NFIX: variants seen among roughly 807,000 people sequenced by gnomAD.
NFIX encodes the protein nuclear factor 1 X-type.
NFIX carries 2 observed loss-of-function variants against 53.3 expected under a neutral mutation model. The observed-to-expected ratio is 0.04, with a 90% CI of 0.02 to 0.12. The LOEUF (loss-of-function observed/expected upper bound fraction) is 0.12, where lower values mean the gene tolerates loss of function less well. Ranked by LOEUF, NFIX falls within the 10% of genes least tolerant of loss-of-function variation. The pLI is 1.00. For synonymous variants in NFIX, 244 were observed against 289.0 expected (o/e 0.84, Z 1.58); for missense variants, 310 against 674.5 (o/e 0.46, Z 5.99).
At chr19:13,056,030 G>A (rs1449814690) in intron 2 of NFIX, among the ~76,000 whole-genome samples, 2 of 152,184 alleles carry the variant, frequency 1.3e-5, no homozygotes, top group East Asian at 3.9e-4. Flanking sequence ...CAGGAGGGGA[G>A]TGAGGGCTGA....
Position 13,009,766 on chromosome 19 carries a change from G to A in NFIX, c.27+13902G>A, listed in dbSNP as rs941683775. Among the ~76,000 whole-genome samples the A allele has an allele frequency of 1.3e-5, 2 of 152,230 alleles. No individual in the cohort carries two copies. Among genetic ancestry groups the A allele is most frequent in the Non-Finnish European group, 2.9e-5 (2 of 68,042 alleles). On this transcript the variant is annotated intron_variant, in intron 1 of 10. Coordinates refer to ENST00000592199, the MANE Select transcript of NFIX (RefSeq NM_001365902.3). The surrounding 1 kb of genome is among the most constrained non-coding windows in gnomAD (Gnocchi z 4.7). ...CGATGGGCAGTGAGGGCTATCAGAG[G>A]GGCAACTACAAGTACAGTAGCACTA...
In NFIX at chr19:13,001,753, C is replaced by A. The variant is rs912589802; in HGVS notation, c.27+5889C>A. Among the ~76,000 whole-genome samples the A allele has an allele frequency of 6.6e-6, 1 of 152,192 alleles. No homozygotes were observed. The highest frequency in any genetic ancestry group is 1.9e-4 in the East Asian group (1 of 5,176). Reference sequence around the variant, plus strand: ...ATCACTGTGGGTCTCACCCCACGGGCGCCTCTCCTGGGCATTCCCTTGGCC... The same window carrying A: ...ATCACTGTGGGTCTCACCCCACGGGAGCCTCTCCTGGGCATTCCCTTGGCC... On this transcript the variant is annotated intron_variant, in intron 1 of 10. Transcript: ENST00000592199. The surrounding 1 kb of genome is among the most constrained non-coding windows in gnomAD (Gnocchi z 6.5).
chr19:13,042,689 A>C (rs965704755), intron 2 of NFIX, among the ~76,000 whole-genome samples: 4 of 152,078 alleles, frequency 2.6e-5, no homozygotes, highest in Admixed American at 1.3e-4. Flanking sequence ...AAACAGCTTC[A>C]TGAGATTTCA....
intron 8 of NFIX, chr19:13,082,197 T>C (rs571895424): frequency 1.3e-5 from 4 of 302,832 alleles, no homozygotes; most frequent in African/African-American, 8.5e-5. Context: ...GCGCTCCTCT[T>C]AAACCTCGGG....
chr19:13,059,847 G>A (rs928566540), intron 2 of NFIX, among the ~76,000 whole-genome samples: 20 of 138,410 alleles, frequency 1.4e-4, no homozygotes, highest in Admixed American at 1.4e-3. Flanking sequence ...GCAGTGGTGC[G>A]ATCTCGGCTC....
At position 13,073,332 on chromosome 19, in the gene NFIX, G is replaced by A. The variant is rs541121274; in HGVS notation, c.623-90G>A. The A allele has an allele frequency of 1.7e-6, 2 of 1,181,510 alleles. No individual in the cohort carries two copies. The allele number at this position is 1,181,510 out of a possible 1,614,324, so 73.2% of individuals were successfully genotyped here. ...TGGAGCTGGAAACGGGACTTGGGAGGGAGAAGCAACAGTGTGGAAGACCTT... is the reference window on the plus strand; with the variant it reads ...TGGAGCTGGAAACGGGACTTGGGAGAGAGAAGCAACAGTGTGGAAGACCTT... On this transcript the variant is annotated intron_variant, in intron 3 of 10. Transcript: ENST00000592199. This position sits in a 1 kb window ranked among gnomAD's most constrained non-coding sequence, Gnocchi z 4.5.
chr19:13,030,993 G>T (rs936414893), intron 2 of NFIX, among the ~76,000 whole-genome samples: 3 of 152,224 alleles, frequency 2.0e-5, no homozygotes, highest in Non-Finnish European at 4.4e-5. Flanking sequence ...ACAACTTGGG[G>T]TGCTGGGTCT....
In NFIX at chr19:13,088,271, A is replaced by G; in HGVS notation, c.1402+135A>G. 8.9e-7 allele frequency: 1 copy of G among 1,121,972 alleles called. No homozygotes were observed. Among genetic ancestry groups the G allele is most frequent in the Non-Finnish European group, 1.2e-6 (1 of 809,664 alleles). The allele number at this position is 1,121,972 out of a possible 1,614,324, so 69.5% of individuals were successfully genotyped here. On this transcript the variant is annotated intron_variant, in intron 9 of 10. Coordinates refer to ENST00000592199, the MANE Select transcript of NFIX (RefSeq NM_001365902.3). The surrounding 1 kb of genome is among the most constrained non-coding windows in gnomAD (Gnocchi z 5.9). ...AACCCAGAGCACCATGGACAAGAGC[A>G]GAGCCGAGCCCCCCAACCACAGCCT...
intron 1 of NFIX, among the ~76,000 whole-genome samples, chr19:12,997,380 C>T (rs1019732245): frequency 1.3e-5 from 2 of 152,218 alleles, no homozygotes; most frequent in Admixed American, 6.5e-5. Context: ...AGCGGGTTTT[C>T]CTGTAGAAAG....
At chr19:13,055,718 G>A (rs993251784) in intron 2 of NFIX, among the ~76,000 whole-genome samples, 8 of 152,130 alleles carry the variant, frequency 5.3e-5, no homozygotes, top group African/African-American at 1.4e-4. Context: ...TGGGAGTGTC[G>A]CGTGAGGCCA....
rs2016438606 is a variant in NFIX, at chr19:13,066,895, A to G, written c.560-6152A>G. 6.6e-6 allele frequency among the ~76,000 whole-genome samples: 1 copy of G among 152,118 alleles called. No homozygotes were observed. Among genetic ancestry groups the G allele is most frequent in the African/African-American group, 2.4e-5 (1 of 41,408 alleles). On this transcript the variant is annotated intron_variant, in intron 2 of 10. Transcript: ENST00000592199. This position sits in a 1 kb window ranked among gnomAD's most constrained non-coding sequence, Gnocchi z 4.2. ...GCCCTCTGGCTGCCCTGCATTCTCAAGGACTTCCTTGGTCCCCTGAGTCTC... is the reference window on the plus strand; with the variant it reads ...GCCCTCTGGCTGCCCTGCATTCTCAGGGACTTCCTTGGTCCCCTGAGTCTC...
intron 2 of NFIX, among the ~76,000 whole-genome samples, chr19:13,038,919 A>G (rs2014408291): frequency 6.6e-6 from 1 of 152,154 alleles, no homozygotes. Flanking sequence ...AGATTGAGGC[A>G]GCTAATAAGC....
intron 2 of NFIX, among the ~76,000 whole-genome samples, chr19:13,065,950 A>G (rs1284384885): frequency 6.6e-6 from 1 of 152,112 alleles, no homozygotes; most frequent in Non-Finnish European, 1.5e-5. Context: ...CACCTTTCTC[A>G]TTATATGAGG....
At chr19:13,061,861 T>G (rs1013403232) in intron 2 of NFIX, among the ~76,000 whole-genome samples, 1 of 152,202 alleles carries the variant, frequency 6.6e-6, no homozygotes, top group African/African-American at 2.4e-5. Flanking sequence ...TTGGTTGTGT[T>G]GCACCAAGAA....
At position 13,060,634 on chromosome 19, in the gene NFIX, A is replaced by T. The variant is rs1419487525; in HGVS notation, c.560-12413A>T. Among the ~76,000 whole-genome samples the T allele has an allele frequency of 1.3e-5, 2 of 152,166 alleles. No individual in the cohort carries two copies. The highest frequency in any genetic ancestry group is 4.8e-5 in the African/African-American group (2 of 41,440). Reference sequence around the variant, plus strand: ...TTGGTGCCTGGCAAGGCGGGGGGGTAGGGAGCAGCCCTCGCACAGCCAGCT... The same window carrying T: ...TTGGTGCCTGGCAAGGCGGGGGGGTTGGGAGCAGCCCTCGCACAGCCAGCT... On this transcript the variant is annotated intron_variant, in intron 2 of 10. Transcript: ENST00000592199. The surrounding 1 kb of genome is among the most constrained non-coding windows in gnomAD (Gnocchi z 4.3).
chr19:13,042,513 C>A (rs1053316742), intron 2 of NFIX, among the ~76,000 whole-genome samples: 3 of 151,800 alleles, frequency 2.0e-5, no homozygotes, highest in Non-Finnish European at 1.5e-5. Context: ...CGCCACCACA[C>A]CTGGCTATTT....
intron 1 of NFIX, among the ~76,000 whole-genome samples, chr19:13,016,667 T>C: frequency 6.6e-6 from 1 of 152,160 alleles, no homozygotes; most frequent in Middle Eastern, 3.4e-3. Context: ...TTTTTTTTTT[T>C]TTTAATGGAT....
intron 2 of NFIX, among the ~76,000 whole-genome samples, chr19:13,035,101 A>T (rs1010573756): frequency 3.3e-5 from 5 of 152,330 alleles, no homozygotes; most frequent in African/African-American, 1.2e-4. Context: ...GAACAGAATC[A>T]TGCATGGCTG....
rs61430205 is a variant in NFIX, at chr19:13,004,820, CT to C, written c.27+8973del. Among the ~76,000 whole-genome samples, 1,193 of 136,636 alleles carry C rather than the reference CT, an allele frequency of 8.7e-3. 5 individuals are homozygous for C. Among genetic ancestry groups the C allele is most frequent in the African/African-American group, 0.015 (567 of 37,100 alleles). The allele number at this position is 136,636 out of a possible 152,430, so 89.6% of individuals were successfully genotyped here. On this transcript the variant is annotated intron_variant, in intron 1 of 10. Coordinates refer to ENST00000592199, the MANE Select transcript of NFIX (RefSeq NM_001365902.3). Reference sequence around the variant, plus strand: ...GAAGGGATGGGGACAAAGCTAGGTTCTTTTTTTTTTTTTTTTTAAACAGTCT... The same window carrying C: ...GAAGGGATGGGGACAAAGCTAGGTTCTTTTTTTTTTTTTTTTAAACAGTCT...
Sources: gnomAD v4.1 joint callset for allele counts (sites outside exome capture counted in the v4.1 genomes callset) on GRCh38, gnomAD v4.1.1 for gene constraint, Gnocchi (gnomAD v3.1) non-coding constraint, MANE v1.5 for transcripts, NCBI Gene and HGNC (gene_info 2026-07-23, HGNC 2026-07-21) for gene names.